The following IQCH variants were observed in gnomAD, a reference collection of about 807,000 sequenced individuals.
IQCH encodes the protein IQ domain-containing protein H.
IQCH carries 98 observed loss-of-function variants against 117.0 expected under a neutral mutation model. That is an observed-to-expected ratio of 0.84 (90% confidence interval 0.71 to 0.99). The LOEUF is 0.99. Ranked by LOEUF, IQCH falls within the 50% of genes least tolerant of loss-of-function variation. The pLI is 0.00. For missense variants in IQCH, 1,102 were observed against 1,243.8 expected (o/e 0.89, Z 1.72); for synonymous variants, 412 against 448.2 (o/e 0.92, Z 1.02).
chr15:67,418,554 A>ACACAC (rs1393744743), intron 15 of IQCH, among the ~76,000 whole-genome samples: 1 of 28,398 alleles, frequency 3.5e-5, no homozygotes, highest in Non-Finnish European at 9.1e-5. Context: ...CACACACACA[A>ACACAC]GATCAATAAT....
chr15:67,412,492 C>T (rs1381820357), intron 14 of IQCH, among the ~76,000 whole-genome samples: 1 of 152,042 alleles, frequency 6.6e-6, no homozygotes, highest in Non-Finnish European at 1.5e-5. Context: ...TTACTCTAAC[C>T]CCTGCCTCCT....
chr15:67,368,076 C>A (rs576986500), intron 8 of IQCH, among the ~76,000 whole-genome samples: 1 of 152,290 alleles, frequency 6.6e-6, no homozygotes, highest in East Asian at 1.9e-4. Flanking sequence ...AGGGACCTCT[C>A]ATTTTTACAG....
rs188518047 is a variant in IQCH at position 67,386,885 on chromosome 15, G to A, written c.1456+1866G>A. Among the ~76,000 whole-genome samples, 473 of 152,110 alleles carry A rather than the reference G, an allele frequency of 3.1e-3. 3 individuals are homozygous for A. The highest frequency in any genetic ancestry group is 0.011 in the African/African-American group (456 of 41,498). ...TACTGAATCTTAGAGTTAGTGATAC[G>A]TATTCCTTTGCCAGAAATTAACAGG... is the stretch of plus-strand genomic sequence containing the variant. On this transcript the variant is annotated intron_variant, in intron 11 of 20. Coordinates refer to ENST00000335894, the MANE Select transcript of IQCH (RefSeq NM_001031715.3). The surrounding 1 kb of genome is among the most constrained non-coding windows in gnomAD (Gnocchi z 5.0).
chr15:67,344,714 C>A (rs1969311746), intron 6 of IQCH, among the ~76,000 whole-genome samples: 1 of 152,288 alleles, frequency 6.6e-6, no homozygotes, highest in African/African-American at 2.4e-5. Context: ...GGAATTTGAA[C>A]TATGTTGGGG....
intron 16 of IQCH, among the ~76,000 whole-genome samples, chr15:67,435,102 G>A (rs937458214): frequency 6.6e-5 from 10 of 150,790 alleles, no homozygotes; most frequent in African/African-American, 2.4e-4. Flanking sequence ...TGATCCACCC[G>A]CCTCTGCCTC....
In IQCH at chr15:67,395,698, T is replaced by C; in HGVS notation, c.1905+135T>C. On this transcript the variant is annotated intron_variant, in intron 13 of 20. Transcript: ENST00000335894. This position sits in a 1 kb window ranked among gnomAD's most constrained non-coding sequence, Gnocchi z 4.0. Reference sequence around the variant, plus strand: ...GAATATTTGAGTTGATTTGAGGGAATCTACTTTATTTATTTATTTATTTAT... The same window carrying C: ...GAATATTTGAGTTGATTTGAGGGAACCTACTTTATTTATTTATTTATTTAT... 1 of 300,688 alleles carries C rather than the reference T, an allele frequency of 3.3e-6. No individual in the cohort carries two copies. The highest frequency in any genetic ancestry group is 4.9e-5 in the African/African-American group (1 of 20,522). 18.6% of individuals were successfully genotyped at this position (300,688 alleles called of 1,614,324 possible).
chr15:67,277,793 A>G (rs1388203072), intron 3 of IQCH, among the ~76,000 whole-genome samples: 1 of 151,956 alleles, frequency 6.6e-6, no homozygotes, highest in East Asian at 1.9e-4. Context: ...TCAGCCTCCC[A>G]AAGTGCTGGG....
At chr15:67,294,063 G>C (rs1170577283) in intron 4 of IQCH, among the ~76,000 whole-genome samples, 1 of 152,104 alleles carries the variant, frequency 6.6e-6, no homozygotes, top group Non-Finnish European at 1.5e-5. Context: ...AGAGCCAGAG[G>C]GTATGCCTAA....
At position 67,391,128 on chromosome 15, in the gene IQCH, C is replaced by T. The variant is rs1266342031; in HGVS notation, c.1632+2122C>T. Among the ~76,000 whole-genome samples the T allele has an allele frequency of 6.6e-6, 1 of 152,180 alleles. No homozygotes were observed. The highest frequency in any genetic ancestry group is 1.5e-5 in the Non-Finnish European group (1 of 68,022). On this transcript the variant is annotated intron_variant, in intron 12 of 20. Transcript: ENST00000335894. The surrounding 1 kb of genome is among the most constrained non-coding windows in gnomAD (Gnocchi z 4.3). ...CCATACCCTTGCTAGTCCACTCTGG[C>T]TTCTAGTGGACTAGAAGCCAGGAGA...
rs1469595121 is a variant in IQCH, at chr15:67,479,504, C to A, written c.2799+3686C>A. On this transcript the variant is annotated intron_variant, in intron 18 of 20. Coordinates refer to ENST00000335894, the MANE Select transcript of IQCH (RefSeq NM_001031715.3). This position sits in a 1 kb window ranked among gnomAD's most constrained non-coding sequence, Gnocchi z 4.6. ...ATTCTGGAATCCATTTCCAATATAT[C>A]CCCTCTAGGTACCTCTTATGTATTC... Among the ~76,000 whole-genome samples the A allele has an allele frequency of 1.3e-5, 2 of 152,158 alleles. No individual in the cohort carries two copies. The highest frequency in any genetic ancestry group is 6.5e-5 in the Admixed American group (1 of 15,280).
chr15:67,470,139 C>T (rs893716449), intron 17 of IQCH, among the ~76,000 whole-genome samples: 5 of 152,194 alleles, frequency 3.3e-5, no homozygotes, highest in Non-Finnish European at 5.9e-5. Flanking sequence ...CTAAATGGAC[C>T]GGATGTTCAT....
In IQCH at chr15:67,356,460, C is replaced by A. The variant is rs1289938052; in HGVS notation, c.638-885C>A. Among the ~76,000 whole-genome samples the A allele has an allele frequency of 1.3e-5, 2 of 152,150 alleles. No individual in the cohort carries two copies. The highest frequency in any genetic ancestry group is 4.8e-5 in the African/African-American group (2 of 41,434). Reference sequence around the variant, plus strand: ...GCTCAGTTGAGGCAATCTAAGAGAACCAAGTCCTCAAAGTGAGATTCTAAA... The same window carrying A: ...GCTCAGTTGAGGCAATCTAAGAGAAACAAGTCCTCAAAGTGAGATTCTAAA... On this transcript the variant is annotated intron_variant, in intron 6 of 20. Coordinates refer to ENST00000335894, the MANE Select transcript of IQCH (RefSeq NM_001031715.3). This position sits in a 1 kb window ranked among gnomAD's most constrained non-coding sequence, Gnocchi z 5.3.
At chr15:67,339,820 CTTACA>C (rs750983815) in intron 5 of IQCH, among the ~76,000 whole-genome samples, 1 of 152,124 alleles carries the variant, frequency 6.6e-6, no homozygotes, top group Non-Finnish European at 1.5e-5. Context: ...TATAAGCCAC[CTTACA>C]TTTGCTTTGT....
Position 67,486,038 on chromosome 15 carries a change from C to CCTTTTT in IQCH, c.2800-3965_2800-3964insCTTTTT, listed in dbSNP as rs1555513837. 5.9e-3 allele frequency among the ~76,000 whole-genome samples: 624 copies of CCTTTTT among 106,302 alleles called. 6 individuals carry two copies. The highest frequency in any genetic ancestry group is 0.021 in the African/African-American group (567 of 27,014). 69.7% of individuals were successfully genotyped at this position (106,302 alleles called of 152,430 possible). On this transcript the variant is annotated intron_variant, in intron 18 of 20. Coordinates refer to ENST00000335894, the MANE Select transcript of IQCH (RefSeq NM_001031715.3). ...GCAATAAGACTGCTAGCTAAGTTTTCTTTTTTTTTTTTTTTTTTTTGAGAT... is the reference window on the plus strand; with the variant it reads ...GCAATAAGACTGCTAGCTAAGTTTTCCTTTTTTTTTTTTTTTTTTTTTTTTTGAGAT...
intron 4 of IQCH, among the ~76,000 whole-genome samples, chr15:67,282,882 A>G (rs947111839): frequency 4.6e-5 from 7 of 152,296 alleles, no homozygotes; most frequent in Admixed American, 2.6e-4. Context: ...AAGAATCGTA[A>G]TTTAGAATTG....
In IQCH at chr15:67,364,811, C is replaced by T. The variant is rs1209702270; in HGVS notation, c.753+4926C>T. Among the ~76,000 whole-genome samples, 3 of 151,936 alleles carry T rather than the reference C, an allele frequency of 2.0e-5. No individual in the cohort carries two copies. The highest frequency in any genetic ancestry group is 3.8e-4 in the East Asian group (2 of 5,198). On this transcript the variant is annotated intron_variant, in intron 8 of 20. Transcript: ENST00000335894. The surrounding 1 kb of genome is among the most constrained non-coding windows in gnomAD (Gnocchi z 4.1). ...TTTCATCTAATAGTTTATCATAAAC[C>T]TTTACATATATGATTTAAAATTCAT...
At position 67,422,496 on chromosome 15, in the gene IQCH, C is replaced by G. The variant is rs552688667; in HGVS notation, c.2505+919C>G. Among the ~76,000 whole-genome samples the G allele has an allele frequency of 3.9e-5, 6 of 152,268 alleles. No homozygotes were observed. In the East Asian group the frequency reaches 1.2e-3, roughly 29 times the overall value. ...TGCCAAGCACATGGCTCTTCCTCCT[C>G]CTAGAGGCCAGGAGGAAGCTACTGT... On this transcript the variant is annotated intron_variant, in intron 16 of 20. Transcript: ENST00000335894. The surrounding 1 kb of genome is among the most constrained non-coding windows in gnomAD (Gnocchi z 4.7).
intron 14 of IQCH, among the ~76,000 whole-genome samples, chr15:67,412,232 T>C (rs2081468508): frequency 6.6e-6 from 1 of 152,208 alleles, no homozygotes; most frequent in Admixed American, 6.5e-5. Context: ...ATCAACAAGG[T>C]ATATATTTTT....
chr15:67,357,136 C>G (rs1969920543), intron 6 of IQCH, among the ~76,000 whole-genome samples: 1 of 152,152 alleles, frequency 6.6e-6, no homozygotes, highest in African/African-American at 2.4e-5. Context: ...ACTTTGTATT[C>G]TAATAGAACT....
Sources: gnomAD v4.1 joint callset for allele counts (sites outside exome capture counted in the v4.1 genomes callset) on GRCh38, gnomAD v4.1.1 for gene constraint, Gnocchi (gnomAD v3.1) non-coding constraint, MANE v1.5 for transcripts, NCBI Gene and HGNC (gene_info 2026-07-23, HGNC 2026-07-21) for gene names.